The following CWF19L2 variants were observed in gnomAD, a reference collection of about 807,000 sequenced individuals.
The protein encoded by CWF19L2 is CWF19 like cell cycle control factor 2.
A neutral mutation model predicts 111.7 loss-of-function variants in CWF19L2; 98 were observed. The ratio of observed to expected loss-of-function variants is 0.88; its 90% confidence interval spans 0.75 to 1.04. The LOEUF (loss-of-function observed/expected upper bound fraction) is 1.04, where lower values mean the gene tolerates loss of function less well. Among genes scored for constraint, CWF19L2 ranks in the 50% least tolerant of loss-of-function variants. The pLI is 0.00. For missense variants in CWF19L2, 1,101 were observed against 1,051.4 expected, an observed-to-expected ratio of 1.05 and a Z score of -0.65; for synonymous variants, 351 against 342.9, an observed-to-expected ratio of 1.02 and a Z score of -0.26.
At chr11:107,387,473 A>C (rs199628119) in intron 12 of CWF19L2, among the ~76,000 whole-genome samples, 1 of 98,884 alleles carries the variant, frequency 1.0e-5, no homozygotes, top group Admixed American at 9.6e-5. Flanking sequence ...AAAACAAAAA[A>C]CAAAAAAAAC....
intron 12 of CWF19L2, among the ~76,000 whole-genome samples, chr11:107,375,922 T>C: frequency 1.5e-5 from 1 of 68,940 alleles, no homozygotes; most frequent in Non-Finnish European, 2.7e-5. Context: ...TAAAAAATGA[T>C]AAAGGGGATA....
chr11:107,333,597 T>G (rs527751380), intron 16 of CWF19L2, among the ~76,000 whole-genome samples: 36 of 152,262 alleles, frequency 2.4e-4, no homozygotes, highest in African/African-American at 7.7e-4. Context: ...AAACAGTACA[T>G]TTAGAGTTTT....
At position 107,457,767 on chromosome 11, in the gene CWF19L2, C is replaced by A. The variant is rs968778053; in HGVS notation, c.50G>T (p.Ser17Ile). The A allele has an allele frequency of 1.3e-6, 2 of 1,551,804 alleles. No individual in the cohort carries two copies. Among genetic ancestry groups the A allele is most frequent in the East Asian group, 2.4e-5 (1 of 40,916 alleles). Residue 17 changes from serine to isoleucine, a missense_variant, in exon 1 of 18, where the codon AGT becomes ATT. Physicochemically the swap from Ser to Ile is moderately radical, Grantham distance 142 (BLOSUM62 -2). Coordinates refer to ENST00000282251, the MANE Select transcript of CWF19L2 (RefSeq NM_152434.3). ...AASGRFESAK[S>I]IEERKEQTRN... Reference sequence around the variant, plus strand: ...GGTCTGTTCTTTCCGCTCTTCGATACTCTTCGCACTTTCAAATCTACCACT... The same window carrying A: ...GGTCTGTTCTTTCCGCTCTTCGATAATCTTCGCACTTTCAAATCTACCACT...
intron 13 of CWF19L2, among the ~76,000 whole-genome samples, chr11:107,352,127 T>C (rs985680422): frequency 5.3e-5 from 8 of 152,188 alleles, no homozygotes; most frequent in African/African-American, 1.7e-4. Flanking sequence ...CATGTGGTTG[T>C]AAACCTCAGT....
intron 12 of CWF19L2, among the ~76,000 whole-genome samples, chr11:107,358,999 C>T (rs1314601654): frequency 6.6e-6 from 1 of 152,190 alleles, no homozygotes; most frequent in African/African-American, 2.4e-5. Context: ...TTATCTCCCA[C>T]ATGACAGTAC....
chr11:107,410,282 T>TAA (rs145946143), intron 10 of CWF19L2, among the ~76,000 whole-genome samples: 9 of 151,208 alleles, frequency 6.0e-5, no homozygotes, highest in African/African-American at 9.7e-5. Flanking sequence ...CTCTGATTTC[T>TAA]AAAAAAAAAC....
chr11:107,361,856 G>A (rs940883205), intron 12 of CWF19L2, among the ~76,000 whole-genome samples: 1 of 152,208 alleles, frequency 6.6e-6, no homozygotes, highest in Non-Finnish European at 1.5e-5. Flanking sequence ...CTGGTCTACA[G>A]CTCCAAGCGT....
chr11:107,338,927 T>C (rs575225337), intron 14 of CWF19L2, among the ~76,000 whole-genome samples: 151 of 152,338 alleles, frequency 9.9e-4, no homozygotes, highest in Non-Finnish European at 1.6e-3. Flanking sequence ...CCTTTGGGTA[T>C]ATACCCAGTA....
chr11:107,421,152 C>T (rs1412501712), intron 8 of CWF19L2, among the ~76,000 whole-genome samples: 1 of 151,938 alleles, frequency 6.6e-6, no homozygotes, highest in Non-Finnish European at 1.5e-5. Flanking sequence ...CTGGAAAATC[C>T]TCAACTATAA....
intron 8 of CWF19L2, among the ~76,000 whole-genome samples, chr11:107,423,438 T>C (rs1861329443): frequency 1.3e-5 from 2 of 151,962 alleles, no homozygotes; most frequent in Non-Finnish European, 2.9e-5. Flanking sequence ...AGTGCAATTA[T>C]TCCCCTATGA....
chr11:107,451,404 A>G (rs1861776547), intron 3 of CWF19L2, among the ~76,000 whole-genome samples: 1 of 152,070 alleles, frequency 6.6e-6, no homozygotes, highest in Non-Finnish European at 1.5e-5. Flanking sequence ...AAAGTTAGAA[A>G]AAGAAGAGCA....
At chr11:107,418,489 G>A (rs936871793) in intron 8 of CWF19L2, among the ~76,000 whole-genome samples, 5 of 151,986 alleles carry the variant, frequency 3.3e-5, no homozygotes, top group Non-Finnish European at 5.9e-5. Flanking sequence ...AACCACCTAT[G>A]GCAGTTATAA....
chr11:107,375,534 C>T (rs956426902), intron 12 of CWF19L2, among the ~76,000 whole-genome samples: 1 of 137,226 alleles, frequency 7.3e-6, no homozygotes, highest in Non-Finnish European at 1.6e-5. Context: ...GGGTACATAA[C>T]GAAATGAAGG....
At chr11:107,331,432 A>G (rs1859848615) in intron 16 of CWF19L2, among the ~76,000 whole-genome samples, 1 of 152,224 alleles carries the variant, frequency 6.6e-6, no homozygotes, top group Admixed American at 6.5e-5. Flanking sequence ...AAGGACACTA[A>G]TAAGAGAGAT....
At chr11:107,387,890 T>C (rs1860793881) in intron 12 of CWF19L2, among the ~76,000 whole-genome samples, 1 of 152,294 alleles carries the variant, frequency 6.6e-6, no homozygotes, top group African/African-American at 2.4e-5. Context: ...CCCAGGGATA[T>C]GGGCCCCCTG....
rs183301192 is a variant in CWF19L2 at position 107,396,997 on chromosome 11, A to C, written c.1618-4102T>G. Among the ~76,000 whole-genome samples the C allele has an allele frequency of 6.2e-3, 944 of 152,274 alleles. 7 individuals are homozygous for C. The highest frequency in any genetic ancestry group is 0.022 in the African/African-American group (902 of 41,546). On this transcript the variant is annotated intron_variant, in intron 10 of 17. Coordinates refer to ENST00000282251, the MANE Select transcript of CWF19L2 (RefSeq NM_152434.3). ...AGTGAAATACAGGGGTAGAGGAAGG[A>C]GCAGAAAGGCCCTGGGATCTCGCTG...
chr11:107,441,463 G>A, intron 5 of CWF19L2, 40 bp downstream of exon 5: 1 of 1,449,944 alleles, frequency 6.9e-7, no homozygotes, highest in Non-Finnish European at 9.1e-7. Flanking sequence ...GTTTATTAAA[G>A]GTAAATTAGA....
chr11:107,428,807 T>C lies in CWF19L2; in HGVS notation c.1425A>G (p.Thr475=). 1 of 1,602,536 alleles carries C rather than the reference T, an allele frequency of 6.2e-7. No individual in the cohort carries two copies. The highest frequency in any genetic ancestry group is 8.5e-7 in the Non-Finnish European group (1 of 1,176,050). ...AAAAAATGATAAAATACCCAGCAAA[T>C]GTAGACTTTGTATCCCGTAGATGTT... is the stretch of plus-strand genomic sequence containing the variant. ...KKEHLRDTKS[T]FAGSPERESI... Residue 475 remains threonine (T), a synonymous_variant, in exon 8 of 18, where the codon ACA becomes ACG. Coordinates refer to ENST00000282251, the MANE Select transcript of CWF19L2 (RefSeq NM_152434.3).
Position 107,442,820 on chromosome 11 carries a change from GGGAGGGAGGGAGAGAGGGAC to G in CWF19L2, c.450+99_450+118del, listed in dbSNP as rs1467764135. 1.5e-4 allele frequency: 72 copies of G among 494,738 alleles called. 1 individual carries two copies. In the African/African-American group the frequency reaches 1.5e-3, roughly 10 times the overall value. The allele number at this position is 494,738 out of a possible 1,614,324, so 30.6% of individuals were successfully genotyped here. On this transcript the variant is annotated intron_variant, in intron 4 of 17. Transcript: ENST00000282251. ...GGAGGGAGGGAGGGAGGGAGGGAGG[GGGAGGGAGGGAGAGAGGGAC>G]AGAGAGGGAGGGAGGGATAGAGAGG... is the stretch of plus-strand genomic sequence containing the variant.
Sources: allele counts gnomAD v4.1 joint callset (sites outside exome capture counted in the v4.1 genomes callset), GRCh38; gene constraint gnomAD v4.1.1; transcripts MANE v1.5; gene names NCBI Gene and HGNC (gene_info 2026-07-23, HGNC 2026-07-21).